FMN1: variants seen among roughly 807,000 people sequenced by gnomAD.
FMN1 encodes formin 1.
In FMN1, 110 loss-of-function variants were observed where a neutral mutation model predicts 132.4. The ratio of observed to expected loss-of-function variants is 0.83; its 90% CI spans 0.71 to 0.97. The LOEUF (loss-of-function observed/expected upper bound fraction) is 0.97. FMN1 is among the 50% of genes least tolerant of loss of function. The pLI, the probability that FMN1 is intolerant of heterozygous loss-of-function variation, is 0.00. For missense variants in FMN1, 1,792 were observed against 1,705.3 expected (o/e 1.05, Z -0.90); for synonymous variants, 722 against 651.7 (o/e 1.11, Z -1.64).
At chr15:32,831,864 A>G (rs976348068) in intron 17 of FMN1, among the ~76,000 whole-genome samples, 1 of 152,054 alleles carries the variant, frequency 6.6e-6, no homozygotes, top group Admixed American at 6.5e-5. Flanking sequence ...ATTTGCAAAG[A>G]AAGTTCAATG....
intron 3 of FMN1, among the ~76,000 whole-genome samples, chr15:33,164,879 TC>T (rs1965036387): frequency 6.6e-6 from 1 of 152,242 alleles, no homozygotes; most frequent in Non-Finnish European, 1.5e-5. Flanking sequence ...AATAATCACA[TC>T]AGGGTAAATG....
chr15:33,170,504 T>A (rs1383925181), intron 3 of FMN1, among the ~76,000 whole-genome samples: 1 of 151,394 alleles, frequency 6.6e-6, no homozygotes, highest in Non-Finnish European at 1.5e-5. Flanking sequence ...ACTTTTCATC[T>A]GACAAGAAAC....
chr15:32,780,849 G>A (rs959718207), intron 19 of FMN1, among the ~76,000 whole-genome samples: 1 of 152,092 alleles, frequency 6.6e-6, no homozygotes, highest in Non-Finnish European at 1.5e-5. Flanking sequence ...TTTGCATGCA[G>A]TATGCTACAC....
intron 9 of FMN1, among the ~76,000 whole-genome samples, chr15:32,955,456 T>C (rs145263417): frequency 2.8e-4 from 43 of 152,302 alleles, no homozygotes; most frequent in African/African-American, 9.6e-4. Context: ...CATCTTCACA[T>C]ACTTCTAGCT....
At chr15:32,929,895 A>G (rs2061062538) in intron 9 of FMN1, among the ~76,000 whole-genome samples, 1 of 151,942 alleles carries the variant, frequency 6.6e-6, no homozygotes, top group African/African-American at 2.4e-5. Context: ...CAACATGGGA[A>G]TATCTTTTCA....
intron 12 of FMN1, among the ~76,000 whole-genome samples, chr15:32,905,915 C>G (rs1291099543): frequency 1.3e-5 from 2 of 152,126 alleles, no homozygotes; most frequent in Admixed American, 6.5e-5. Flanking sequence ...GTGCCTCACC[C>G]TCCCGCAACT....
chr15:32,870,223 T>G (rs565127419), intron 16 of FMN1, among the ~76,000 whole-genome samples: 1 of 152,200 alleles, frequency 6.6e-6, no homozygotes, highest in Non-Finnish European at 1.5e-5. Flanking sequence ...AAAGCCATCA[T>G]GTCATAAAAA....
At chr15:33,024,249 TTTTTTTTTTTTTTG>T (rs2035563709) in intron 6 of FMN1, among the ~76,000 whole-genome samples, 1 of 83,236 alleles carries the variant, frequency 1.2e-5, no homozygotes, top group African/African-American at 4.9e-5. Flanking sequence ...TTTTTTTTTT[TTTTTTTTTTTTTTG>T]AGATGTGGAG....
At chr15:33,032,569 A>G (rs1482070288) in intron 6 of FMN1, among the ~76,000 whole-genome samples, 2 of 152,246 alleles carry the variant, frequency 1.3e-5, no homozygotes, top group Non-Finnish European at 2.9e-5. Context: ...GTAAAGTCAA[A>G]AAATCATTAA....
intron 16 of FMN1, among the ~76,000 whole-genome samples, chr15:32,879,402 T>C (rs373339515): frequency 6.6e-6 from 1 of 152,268 alleles, no homozygotes; most frequent in East Asian, 1.9e-4. Context: ...AGCTAATAAA[T>C]TAGACATGGT....
intron 4 of FMN1, chr15:33,105,952 T>C (rs2039468450): frequency 1.3e-5 from 2 of 152,130 alleles, no homozygotes; most frequent in Admixed American, 1.3e-4. Context: ...AGTCTGCTGC[T>C]CTTTGATGTG....
chr15:32,899,792 A>AT, intron 14 of FMN1, 187 bp downstream of exon 14: 1 of 666,766 alleles, frequency 1.5e-6, no homozygotes, highest in Non-Finnish European at 2.5e-6. Context: ...CGTGAAAAAA[A>AT]AAAACCAAAC....
Position 33,114,894 on chromosome 15 carries a change from C to A in FMN1, c.1868-25920G>T, listed in dbSNP as rs138613630. ...TTGCCTATCCATGTTTGAAAAGATG[C>A]AAGCATCTCTACGTTACTGTCCAGC... On this transcript the variant is annotated intron_variant, in intron 4 of 20. Coordinates refer to ENST00000616417, the MANE Select transcript of FMN1 (RefSeq NM_001277313.2). Among the ~76,000 whole-genome samples the A allele has an allele frequency of 2.8e-3, 416 of 150,434 alleles. 1 individual carries two copies. The highest frequency in any genetic ancestry group is 9.7e-3 in the African/African-American group (402 of 41,236).
chr15:32,829,920 G>A (rs2058461888), intron 17 of FMN1, among the ~76,000 whole-genome samples: 1 of 152,176 alleles, frequency 6.6e-6, no homozygotes, highest in Non-Finnish European at 1.5e-5. Context: ...TTTCTCCCAC[G>A]TGGCAGAGTT....
At chr15:33,032,373 A>G (rs1026334696) in intron 6 of FMN1, among the ~76,000 whole-genome samples, 1 of 152,238 alleles carries the variant, frequency 6.6e-6, no homozygotes. Context: ...ATATTAGCTT[A>G]AAGGTTCAAA....
intron 6 of FMN1, among the ~76,000 whole-genome samples, chr15:33,024,909 T>G (rs921612287): frequency 6.6e-6 from 1 of 152,188 alleles, no homozygotes; most frequent in African/African-American, 2.4e-5. Flanking sequence ...AATAGAGCTA[T>G]ACATACGAAT....
At chr15:33,028,303 T>C (rs1413558471) in intron 6 of FMN1, among the ~76,000 whole-genome samples, 3 of 152,132 alleles carry the variant, frequency 2.0e-5, no homozygotes, top group Non-Finnish European at 2.9e-5. Context: ...CACGTGTATA[T>C]AGATTATAAA....
chr15:32,840,242 G>T (rs1310527458), intron 17 of FMN1, among the ~76,000 whole-genome samples: 3 of 152,176 alleles, frequency 2.0e-5, no homozygotes, highest in African/African-American at 7.2e-5. Context: ...AGACCAAAGG[G>T]GCTGTGGTGG....
intron 17 of FMN1, among the ~76,000 whole-genome samples, chr15:32,825,834 A>G (rs1376071434): frequency 6.6e-6 from 1 of 152,078 alleles, no homozygotes; most frequent in Non-Finnish European, 1.5e-5. Context: ...ACCGTCTCTT[A>G]TCTTTGCTCG....
Sources: allele counts gnomAD v4.1 joint callset (sites outside exome capture counted in the v4.1 genomes callset), GRCh38; gene constraint gnomAD v4.1.1; transcripts MANE v1.5; gene names NCBI Gene and HGNC (gene_info 2026-07-23, HGNC 2026-07-21).